The following DENND11 variants were observed in gnomAD, a reference collection of about 807,000 sequenced individuals.
DENND11 encodes DENN domain containing 11.
Under a neutral mutation model 49.2 loss-of-function variants are expected in DENND11, and 34 were observed. The observed-to-expected ratio is 0.69, with a 90% confidence interval of 0.53 to 0.92. The LOEUF (loss-of-function observed/expected upper bound fraction) is 0.92, where lower values mean the gene tolerates loss of function less well. Among genes scored for constraint, DENND11 ranks in the 40% least tolerant of loss-of-function variants. The probability of loss-of-function intolerance (pLI) is 0.00; values close to 1 mark genes in which losing one functional copy is unlikely to be tolerated. For missense variants in DENND11, 475 were observed against 581.6 expected, an observed-to-expected ratio of 0.82 and a Z score of 1.88; for synonymous variants, 238 against 230.3, an observed-to-expected ratio of 1.03 and a Z score of -0.30.
Position 141,686,540 on chromosome 7 carries a change from C to G in DENND11, c.368+19G>C. On this transcript the variant is annotated intron_variant, in intron 2 of 8. Transcript: ENST00000536163. ...TGGGGGGAATGGTACGAAGATGACT[C>G]CAGTTCAGAAGTACTTACATGAAAT... The G allele has an allele frequency of 6.6e-7, 1 of 1,514,360 alleles. No individual in the cohort carries two copies. Among genetic ancestry groups the G allele is most frequent in the Non-Finnish European group, 9.2e-7 (1 of 1,092,756 alleles). 93.8% of individuals were successfully genotyped at this position (1,514,360 alleles called of 1,614,324 possible). A position where few individuals can be genotyped will look rare whatever the true frequency, so the allele number is the denominator to read the frequency against.
At chr7:141,694,661 A>G (rs1434909014) in intron 1 of DENND11, among the ~76,000 whole-genome samples, 3 of 152,234 alleles carry the variant, frequency 2.0e-5, no homozygotes, top group African/African-American at 7.2e-5. Flanking sequence ...ATATCTCCAC[A>G]CACAGTCAGT....
intron 1 of DENND11, among the ~76,000 whole-genome samples, chr7:141,695,053 C>A (rs930536693): frequency 6.6e-6 from 1 of 152,136 alleles, no homozygotes. Context: ...TTATCATATG[C>A]AAAACTGTCC....
chr7:141,686,603 G>A lies in DENND11; in HGVS notation c.324C>T (p.Phe108=). The A allele has an allele frequency of 6.2e-7, 1 of 1,613,330 alleles. No individual in the cohort carries two copies. Among genetic ancestry groups the A allele is most frequent in the East Asian group, 2.2e-5 (1 of 44,890 alleles). ...TATGGGACCCACTGGCCATAGACTT[G>A]AACTCAACACCTTCAAGGTCAATAT... ...PQDIDLEGVE[F]KSMASGSHKI... The change falls in exon 2 of 9, where the codon TTC becomes TTT. Residue 108 remains phenylalanine (F), a synonymous_variant. Transcript: ENST00000536163.
At chr7:141,665,362 C>G (rs762039446) in intron 5 of DENND11, 44 bp from the exon 6 acceptor site, 1 of 1,610,792 alleles carries the variant, frequency 6.2e-7, no homozygotes, top group Admixed American at 1.7e-5. Context: ...TGCCCCTCCA[C>G]AGCCCTTCCT....
In DENND11 at chr7:141,680,917, G is replaced by C. The variant is rs141836158; in HGVS notation, c.527+4561C>G. 1.4e-4 allele frequency among the ~76,000 whole-genome samples: 22 copies of C among 152,212 alleles called. No homozygotes were observed. In the East Asian group the frequency reaches 2.9e-3, roughly 20 times the overall value. On this transcript the variant is annotated intron_variant, in intron 3 of 8. Coordinates refer to ENST00000536163, the MANE Select transcript of DENND11 (RefSeq NM_001080392.2). The stretch of plus-strand genomic sequence containing the variant: ...TGTAATTCTATCTTACTGTGTCACT[G>C]TATTGGGGGTCTCTTCTTCATTATA...
Position 141,695,248 on chromosome 7 carries a change from A to C in DENND11, c.268+6638T>G, listed in dbSNP as rs1030553542. Among the ~76,000 whole-genome samples the C allele has an allele frequency of 4.9e-4, 75 of 152,226 alleles. 4 individuals are homozygous for C. The highest frequency in any genetic ancestry group is 5.9e-5 in the Non-Finnish European group (4 of 68,046). The stretch of plus-strand genomic sequence containing the variant: ...ATAAAGCAAATGGGGCAAAATGTCA[A>C]TAAACGGGGACTCTAAGTGAAAGAC... On this transcript the variant is annotated intron_variant, in intron 1 of 8. Transcript: ENST00000536163.
rs1040895759 is a variant in DENND11, at chr7:141,675,414, C to T, written c.528-1194G>A. On this transcript the variant is annotated intron_variant, in intron 3 of 8. Transcript: ENST00000536163. ...GTTTTGGCACTTTGTTATGCAGCCCCGGAAAAGCCCTAATTGAGGGAGGAA... is the reference window on the plus strand; with the variant it reads ...GTTTTGGCACTTTGTTATGCAGCCCTGGAAAAGCCCTAATTGAGGGAGGAA... 7.9e-5 allele frequency among the ~76,000 whole-genome samples: 12 copies of T among 152,132 alleles called. No homozygotes were observed. In the South Asian group the frequency reaches 1.2e-3, roughly 16 times the overall value.
intron 1 of DENND11, among the ~76,000 whole-genome samples, chr7:141,691,324 T>C (rs1039793705): frequency 2.0e-5 from 3 of 152,228 alleles, no homozygotes; most frequent in African/African-American, 7.2e-5. Context: ...TTTGGGCCAG[T>C]ATTCTAGCCC....
At chr7:141,664,047 C>CT (rs1284141111) in intron 8 of DENND11, 125 bp downstream of exon 8, 1 of 776,554 alleles carries the variant, frequency 1.3e-6, no homozygotes, top group Non-Finnish European at 2.1e-6. Context: ...GAGCCCGGCT[C>CT]TAAGTGCCCT....
At chr7:141,701,411 G>C (rs1798512724) in intron 1 of DENND11, 1 of 141,006 alleles carries the variant, frequency 7.1e-6, no homozygotes, top group Non-Finnish European at 1.6e-5. Context: ...AGCGGGGGAC[G>C]GGGTGGGGGG....
At chr7:141,694,638 G>C (rs1319052636) in intron 1 of DENND11, among the ~76,000 whole-genome samples, 3 of 152,094 alleles carry the variant, frequency 2.0e-5, no homozygotes, top group Non-Finnish European at 4.4e-5. Flanking sequence ...GCAAAAAAAA[G>C]AAAAGTCTAT....
At chr7:141,694,160 TA>T (rs35783670) in intron 1 of DENND11, among the ~76,000 whole-genome samples, 1 of 152,280 alleles carries the variant, frequency 6.6e-6, no homozygotes, top group Middle Eastern at 3.4e-3. Flanking sequence ...ATTAATTATT[TA>T]AAAAAACCTA....
intron 1 of DENND11, among the ~76,000 whole-genome samples, chr7:141,688,023 C>T (rs1798271832): frequency 6.6e-6 from 1 of 152,134 alleles, no homozygotes; most frequent in Admixed American, 6.5e-5. Context: ...TCAGGTGATC[C>T]ACCTGCCTCG....
intron 4 of DENND11, among the ~76,000 whole-genome samples, chr7:141,667,625 AG>A (rs1797915231): frequency 6.6e-6 from 1 of 152,132 alleles, no homozygotes. Flanking sequence ...CCCATCAGGG[AG>A]GCAGGCAAGA....
At chr7:141,693,519 C>A (rs1398979898) in intron 1 of DENND11, among the ~76,000 whole-genome samples, 6 of 152,222 alleles carry the variant, frequency 3.9e-5, no homozygotes, top group Admixed American at 3.9e-4. Flanking sequence ...TGAAAACTTA[C>A]ATCCACACAA....
At position 141,662,475 on chromosome 7, in the gene DENND11, A is replaced by T. The variant is rs1468153652; in HGVS notation, c.*181T>A. 2 of 460,770 alleles carry T rather than the reference A, an allele frequency of 4.3e-6. No homozygotes were observed. Among genetic ancestry groups the T allele is most frequent in the Non-Finnish European group, 7.5e-6 (2 of 265,874 alleles). The allele number at this position is 460,770 out of a possible 1,614,324, so 28.5% of individuals were successfully genotyped here. A position where few individuals can be genotyped will look rare whatever the true frequency, so the allele number is the denominator to read the frequency against. The stretch of plus-strand genomic sequence containing the variant: ...CATGGCAGGACACAAAACCAAGGTG[A>T]TCTCACCTTATCTCTAGGGAAAAGG... On this transcript the variant is annotated 3_prime_UTR_variant, in exon 9 of 9. Transcript: ENST00000536163.
At chr7:141,691,558 G>C (rs1798327038) in intron 1 of DENND11, among the ~76,000 whole-genome samples, 1 of 152,158 alleles carries the variant, frequency 6.6e-6, no homozygotes, top group Non-Finnish European at 1.5e-5. Context: ...GGAACAGAGG[G>C]AGCGAATGAC....
chr7:141,691,731 A>G (rs1250644532), intron 1 of DENND11, among the ~76,000 whole-genome samples: 1 of 152,198 alleles, frequency 6.6e-6, no homozygotes, highest in Non-Finnish European at 1.5e-5. Context: ...TCCTGCTGAC[A>G]ACTCCTTGAA....
At position 141,677,390 on chromosome 7, in the gene DENND11, CAAAAA is replaced by C. The variant is rs57034632; in HGVS notation, c.528-3175_528-3171del. On this transcript the variant is annotated intron_variant, in intron 3 of 8. Coordinates refer to ENST00000536163, the MANE Select transcript of DENND11 (RefSeq NM_001080392.2). ...GGGTGACAGAGCGAGACTCTTGTCT[CAAAAA>C]AAAAAAAATATATATATATATATAT... 5.7e-4 allele frequency among the ~76,000 whole-genome samples: 70 copies of C among 121,752 alleles called. 1 individual carries two copies. The highest frequency in any genetic ancestry group is 2.2e-3 in the African/African-American group (70 of 31,518). The allele number at this position is 121,752 out of a possible 152,430, so 79.9% of individuals were successfully genotyped here.
Sources: allele counts gnomAD v4.1 joint callset (sites outside exome capture counted in the v4.1 genomes callset), GRCh38; gene constraint gnomAD v4.1.1; transcripts MANE v1.5; gene names NCBI Gene and HGNC (gene_info 2026-07-23, HGNC 2026-07-21).